The following SUPT7L variants were observed in gnomAD, a reference collection of about 807,000 sequenced individuals.
SUPT7L encodes STAGA complex 65 subunit gamma.
A neutral mutation model predicts 35.7 loss-of-function variants in SUPT7L; 15 were observed. The ratio of observed to expected loss-of-function variants is 0.42; its 90% CI spans 0.28 to 0.65. The LOEUF is 0.65. Ranked by LOEUF, SUPT7L falls within the 30% of genes least tolerant of loss-of-function variation. SUPT7L has a pLI of 0.23. For missense variants in SUPT7L, 434 were observed against 522.2 expected, an observed-to-expected ratio of 0.83 and a Z score of 1.65; for synonymous variants, 168 against 186.2, an observed-to-expected ratio of 0.90 and a Z score of 0.79.
At chr2:27,646,547 G>C (rs891429778), downstream of SUPT7L, among the ~76,000 whole-genome samples, 1 of 151,986 alleles carries the variant, frequency 6.6e-6, no homozygotes, top group African/African-American at 2.4e-5. Context: ...TTTTAGGTTA[G>C]TTTTCATTTA....
At chr2:27,646,556 T>G (rs1674243340), downstream of SUPT7L, among the ~76,000 whole-genome samples, 1 of 152,208 alleles carries the variant, frequency 6.6e-6, no homozygotes, top group African/African-American at 2.4e-5. Flanking sequence ...AGTTTTCATT[T>G]ACAGCCCACC....
At chr2:27,644,204 A>G in the SUPT7L span, among the ~76,000 whole-genome samples, 3 of 152,100 alleles carry the variant, frequency 2.0e-5, no homozygotes, top group African/African-American at 4.8e-5. Flanking sequence ...AAAAATTACT[A>G]TTTTTAAATA....
At chr2:27,660,135 A>G (rs1438404912) in intron 3 of SUPT7L, among the ~76,000 whole-genome samples, 1 of 152,094 alleles carries the variant, frequency 6.6e-6, no homozygotes, top group African/African-American at 2.4e-5. Context: ...GAGGCCTGAG[A>G]TTCTGCATAT....
rs1022313927 is a variant in SUPT7L at position 27,657,732 on chromosome 2, C to T, written c.420-63G>A. The T allele has an allele frequency of 4.8e-6, 7 of 1,456,388 alleles. No individual in the cohort carries two copies. The highest frequency in any genetic ancestry group is 6.5e-6 in the Non-Finnish European group (7 of 1,084,416). 90.2% of individuals were successfully genotyped at this position (1,456,388 alleles called of 1,614,324 possible). On this transcript the variant is annotated intron_variant, in intron 3 of 5. Transcript: ENST00000337768. This position sits in a 1 kb window ranked among gnomAD's most constrained non-coding sequence, Gnocchi z 5.2. ...GCAAAGGGGTGACCCCTCCTGTCTT[C>T]CCCAGGAGTTTTACAATTCCAGTCA...
At chr2:27,645,434 G>C in the SUPT7L span, among the ~76,000 whole-genome samples, 1 of 152,152 alleles carries the variant, frequency 6.6e-6, no homozygotes, top group African/African-American at 2.4e-5. Flanking sequence ...TATGAACTGA[G>C]TATCAACTTT....
chr2:27,658,867 T>C (rs1674918958), intron 3 of SUPT7L, among the ~76,000 whole-genome samples: 1 of 152,256 alleles, frequency 6.6e-6, no homozygotes, highest in Admixed American at 6.5e-5. Flanking sequence ...GAATAATATC[T>C]GGACCTCTTT....
At chr2:27,655,847 A>G (rs909773219) in intron 4 of SUPT7L, among the ~76,000 whole-genome samples, 8 of 152,208 alleles carry the variant, frequency 5.3e-5, no homozygotes, top group African/African-American at 1.9e-4. Flanking sequence ...AGGTAAAAAA[A>G]TGTGTTAGAA....
At chr2:27,650,383 C>T, downstream of SUPT7L, 3 of 462,646 alleles carry the variant, frequency 6.5e-6, no homozygotes, top group Non-Finnish European at 1.2e-5. Flanking sequence ...GACCCTTGGA[C>T]CTGGCAGGTT....
intron 3 of SUPT7L, among the ~76,000 whole-genome samples, chr2:27,659,884 G>T (rs917404006): frequency 6.6e-6 from 1 of 152,204 alleles, no homozygotes; most frequent in Non-Finnish European, 1.5e-5. Context: ...GTGAGTCATG[G>T]TGAAGGTATT....
intron 2 of SUPT7L, chr2:27,661,622 G>A: frequency 3.6e-6 from 5 of 1,377,816 alleles, no homozygotes; most frequent in Non-Finnish European, 4.7e-6. Context: ...TAAGAGAAAT[G>A]TAACTGTTAG....
chr2:27,657,463 T>C lies in SUPT7L; in HGVS notation c.626A>G (p.Gln209Arg), dbSNP rs781613860. ...CTCCATCACATCAGGAAAAGGAGTCTGTCCCAGCCGGGCCTCCCGGTCCAC... is the reference window on the plus strand; with the variant it reads ...CTCCATCACATCAGGAAAAGGAGTCCGTCCCAGCCGGGCCTCCCGGTCCAC... ...FAVDREARLG[Q>R]TPFPDVMEQV... The change falls in exon 4 of 6, where the codon CAG becomes CGG. Residue 209 changes from glutamine (Q) to arginine (R), a missense_variant. By Grantham distance (43) the Gln-to-Arg change is conservative. Coordinates refer to ENST00000337768, the MANE Select transcript of SUPT7L (RefSeq NM_014860.3). This position sits in a 1 kb window ranked among gnomAD's most constrained non-coding sequence, Gnocchi z 5.2. The C allele has an allele frequency of 1.5e-5, 25 of 1,614,258 alleles. No homozygotes were observed. The South Asian group carries it at 2.7e-4, about 18-fold the overall frequency.
chr2:27,642,651 C>A, the SUPT7L span: 5 of 595,320 alleles, frequency 8.4e-6, no homozygotes, highest in Non-Finnish European at 3.1e-6. Context: ...ACAACCTCCA[C>A]CTCCCAGGTT....
At chr2:27,647,808 A>G (rs773435400), downstream of SUPT7L, 5 of 1,288,612 alleles carry the variant, frequency 3.9e-6, no homozygotes, top group Middle Eastern at 1.8e-4. Flanking sequence ...TTGAGGAGGC[A>G]TATCACTGAT....
downstream of SUPT7L, among the ~76,000 whole-genome samples, chr2:27,648,804 T>C (rs1315817812): frequency 6.6e-6 from 1 of 152,000 alleles, no homozygotes; most frequent in East Asian, 2.0e-4. Context: ...GCTGGTTAAT[T>C]TTTTATATTT....
In SUPT7L at chr2:27,659,331, T is replaced by C. The variant is rs1174471769; in HGVS notation, c.419+1653A>G. On this transcript the variant is annotated intron_variant, in intron 3 of 5. Coordinates refer to ENST00000337768, the MANE Select transcript of SUPT7L (RefSeq NM_014860.3). Reference sequence around the variant, plus strand: ...CTCATTAGTTTGGGAACCACTAAAATAGTATTACCAGCAACAGGTAGATGT... The same window carrying C: ...CTCATTAGTTTGGGAACCACTAAAACAGTATTACCAGCAACAGGTAGATGT... Among the ~76,000 whole-genome samples the C allele has an allele frequency of 2.6e-5, 4 of 152,224 alleles. No individual in the cohort carries two copies. The South Asian group carries it at 6.2e-4, about 24-fold the overall frequency.
downstream of SUPT7L, among the ~76,000 whole-genome samples, chr2:27,649,268 CAAA>C (rs996492260): frequency 2.0e-5 from 3 of 150,400 alleles, no homozygotes; most frequent in African/African-American, 7.3e-5. Flanking sequence ...AACAAACAAA[CAAA>C]AAAACACGAA....
downstream of SUPT7L, among the ~76,000 whole-genome samples, chr2:27,646,995 T>C (rs1674265020): frequency 1.3e-5 from 2 of 152,250 alleles, no homozygotes; most frequent in Admixed American, 6.5e-5. Flanking sequence ...TCAGCTAACC[T>C]GTTGAAGGTT....
chr2:27,650,834 TTTTTAA>T lies in SUPT7L; in HGVS notation c.*2645_*2650del, dbSNP rs1423280202. On this transcript the variant is annotated 3_prime_UTR_variant, in exon 6 of 6. Transcript: ENST00000337768. ...TTTCATTGGTGACTTGGATAAAGAC[TTTTTAA>T]TTTTAACTTTGTTCTAAGACTGCTT... 6.5e-6 allele frequency: 1 copy of T among 152,828 alleles called. No individual in the cohort carries two copies. Among genetic ancestry groups the T allele is most frequent in the Admixed American group, 6.5e-5 (1 of 15,288 alleles). The allele number at this position is 152,828 out of a possible 1,614,324, so 9.5% of individuals were successfully genotyped here.
chr2:27,655,108 C>A (rs1286900487), intron 5 of SUPT7L, among the ~76,000 whole-genome samples: 2 of 152,216 alleles, frequency 1.3e-5, no homozygotes, highest in African/African-American at 4.8e-5. Flanking sequence ...ATCAACGTGA[C>A]AACACATTGC....
Sources: allele counts gnomAD v4.1 joint callset (sites outside exome capture counted in the v4.1 genomes callset), GRCh38; gene constraint gnomAD v4.1.1; non-coding constraint Gnocchi (gnomAD v3.1); transcripts MANE v1.5; gene names NCBI Gene and HGNC (gene_info 2026-07-23, HGNC 2026-07-21).